The following ZMIZ1 variants were observed in gnomAD, a reference collection of about 807,000 sequenced individuals.
The protein encoded by ZMIZ1 is zinc finger MIZ domain-containing protein 1.
A neutral mutation model predicts 113.9 loss-of-function variants in ZMIZ1; 17 were observed. The observed-to-expected ratio is 0.15, with a 90% CI of 0.10 to 0.22. The LOEUF (loss-of-function observed/expected upper bound fraction) is 0.22. Ranked by LOEUF, ZMIZ1 falls within the 10% of genes least tolerant of loss-of-function variation. ZMIZ1 has a pLI of 1.00. For synonymous variants in ZMIZ1, 607 were observed against 603.1 expected, an observed-to-expected ratio of 1.01 and a Z score of -0.09; for missense variants, 1,059 against 1,477.8, an observed-to-expected ratio of 0.72 and a Z score of 4.65.
chr10:79,143,627 G>A (rs1462265704), intron 3 of ZMIZ1, among the ~76,000 whole-genome samples: 2 of 152,184 alleles, frequency 1.3e-5, no homozygotes, highest in Non-Finnish European at 2.9e-5. Context: ...AGATGGGGTG[G>A]TGGGGGGACA....
intron 17 of ZMIZ1, among the ~76,000 whole-genome samples, chr10:79,301,431 C>T (rs1217613542): frequency 6.6e-6 from 1 of 152,086 alleles, no homozygotes; most frequent in African/African-American, 2.4e-5. Context: ...CCTTCCAACC[C>T]GTGACTTGTT....
In ZMIZ1 at chr10:79,312,805, A is replaced by C; in HGVS notation, c.*56A>C. On this transcript the variant is annotated 3_prime_UTR_variant, in exon 25 of 25. Coordinates refer to ENST00000334512, the MANE Select transcript of ZMIZ1 (RefSeq NM_020338.4). ...CTCTGCATCCTACCCCACCTACCCA[A>C]CACACTTTTCCACCTGGGAGCCTGT... is the stretch of plus-strand genomic sequence containing the variant. The C allele has an allele frequency of 4.6e-6, 7 of 1,534,696 alleles. No homozygotes were observed. Among genetic ancestry groups the C allele is most frequent in the Non-Finnish European group, 6.3e-6 (7 of 1,109,792 alleles).
At chr10:79,229,530 G>T (rs568781117) in intron 7 of ZMIZ1, among the ~76,000 whole-genome samples, 3 of 152,304 alleles carry the variant, frequency 2.0e-5, no homozygotes, top group South Asian at 4.1e-4. Context: ...AGACACTATT[G>T]TCTCTGCAGG....
At chr10:79,104,953 GT>G (rs1564652918) in intron 1 of ZMIZ1, among the ~76,000 whole-genome samples, 803 of 68,600 alleles carry the variant, frequency 0.012, 8 homozygotes, top group Non-Finnish European at 0.011. Context: ...GTTGTGGGGT[GT>G]GTGTGTGTGT....
intron 7 of ZMIZ1, among the ~76,000 whole-genome samples, chr10:79,242,846 G>T (rs1007123784): frequency 2.6e-5 from 4 of 152,134 alleles, no homozygotes; most frequent in Non-Finnish European, 5.9e-5. Flanking sequence ...TCGTGCGTTC[G>T]CTCGGCAGCG....
At chr10:79,136,475 T>G (rs1275542080) in intron 2 of ZMIZ1, among the ~76,000 whole-genome samples, 3 of 152,156 alleles carry the variant, frequency 2.0e-5, no homozygotes, top group Admixed American at 6.5e-5. Flanking sequence ...ATGAATGAAT[T>G]ATTTCATCAG....
At position 79,199,465 on chromosome 10, in the gene ZMIZ1, C is replaced by T. The variant is rs368007224; in HGVS notation, c.-49-2119C>T. Among the ~76,000 whole-genome samples the T allele has an allele frequency of 4.6e-5, 7 of 152,042 alleles. No individual in the cohort carries two copies. In the East Asian group the frequency reaches 1.2e-3, roughly 25 times the overall value. Reference sequence around the variant, plus strand: ...AGGTTACAGTGAGCCAAGATTGCGCCACTGCACTCCAGCCTGGGCGACAAA... The same window carrying T: ...AGGTTACAGTGAGCCAAGATTGCGCTACTGCACTCCAGCCTGGGCGACAAA... On this transcript the variant is annotated intron_variant, in intron 4 of 24. Transcript: ENST00000334512.
intron 2 of ZMIZ1, among the ~76,000 whole-genome samples, chr10:79,125,609 T>A (rs116044733): frequency 1.3e-5 from 2 of 152,190 alleles, no homozygotes; most frequent in African/African-American, 4.8e-5. Flanking sequence ...AGGCCACACA[T>A]TGGGGCAGAG....
intron 4 of ZMIZ1, among the ~76,000 whole-genome samples, chr10:79,166,170 G>A (rs572789363): frequency 5.2e-4 from 79 of 152,244 alleles, no homozygotes; most frequent in Non-Finnish European, 9.9e-4. Flanking sequence ...TGTCCCTGCA[G>A]CGTATCCCAG....
intron 4 of ZMIZ1, among the ~76,000 whole-genome samples, chr10:79,194,494 G>A (rs703966): frequency 0.31 from 47,797 of 152,176 alleles, 8,925 homozygotes; most frequent in Non-Finnish European, 0.42. Flanking sequence ...TTTCTGTGGG[G>A]CAGCTAGAAG....
At chr10:79,277,655 A>G (rs1451173384) in intron 8 of ZMIZ1, among the ~76,000 whole-genome samples, 2 of 152,136 alleles carry the variant, frequency 1.3e-5, no homozygotes, top group Non-Finnish European at 2.9e-5. Flanking sequence ...GCTGACAGGG[A>G]TCTCAGGAAG....
chr10:79,300,268 C>T (rs1315801936), intron 16 of ZMIZ1, among the ~76,000 whole-genome samples: 2 of 152,184 alleles, frequency 1.3e-5, no homozygotes, highest in Non-Finnish European at 2.9e-5. Context: ...GTTCCTGACA[C>T]TCCTCAGTGC....
intron 8 of ZMIZ1, chr10:79,285,587 G>A (rs759410062): frequency 1.8e-5 from 8 of 455,952 alleles, no homozygotes; most frequent in East Asian, 6.9e-5. Context: ...CAGGCTTAAC[G>A]AAATGGACAT....
intron 12 of ZMIZ1, 160 bp downstream of exon 12, chr10:79,293,813 T>C (rs772523010): frequency 5.7e-5 from 61 of 1,069,740 alleles, no homozygotes; most frequent in Non-Finnish European, 8.2e-5. Flanking sequence ...GTTTGAGACC[T>C]GGTTCTGCTG....
chr10:79,279,081 G>A (rs1852513516), intron 8 of ZMIZ1, among the ~76,000 whole-genome samples: 1 of 144,776 alleles, frequency 6.9e-6, no homozygotes, highest in Admixed American at 6.9e-5. Flanking sequence ...CCACCTCCAG[G>A]ACGGGGCAGC....
At chr10:79,097,655 C>G (rs753854168) in intron 1 of ZMIZ1, among the ~76,000 whole-genome samples, 2 of 152,176 alleles carry the variant, frequency 1.3e-5, no homozygotes, top group Non-Finnish European at 2.9e-5. Context: ...AAATGTGCAG[C>G]TGGCAAGCTC....
chr10:79,135,900 G>T (rs983009831), intron 2 of ZMIZ1, among the ~76,000 whole-genome samples: 1 of 145,980 alleles, frequency 6.9e-6, no homozygotes, highest in African/African-American at 2.5e-5. Flanking sequence ...CCACCCACCC[G>T]CCGCCGCTGT....
rs188107032 is a variant in ZMIZ1, at chr10:79,249,665, A to T, written c.281-27516A>T. On this transcript the variant is annotated intron_variant, in intron 7 of 24. Coordinates refer to ENST00000334512, the MANE Select transcript of ZMIZ1 (RefSeq NM_020338.4). ...TCCTCAGTCACAGTAGTCACATTTC[A>T]CGGGCTAGTGGCTACCAGATTGGAC... is the stretch of plus-strand genomic sequence containing the variant. 1.1e-3 allele frequency among the ~76,000 whole-genome samples: 166 copies of T among 152,328 alleles called. No homozygotes were observed. In the Middle Eastern group the frequency reaches 0.014, roughly 12 times the overall value.
rs987203357 is a variant in ZMIZ1 at position 79,069,444 on chromosome 10, C to T, written c.-337+174C>T. Among the ~76,000 whole-genome samples the T allele has an allele frequency of 2.0e-5, 3 of 150,840 alleles. No individual in the cohort carries two copies. Among genetic ancestry groups the T allele is most frequent in the Non-Finnish European group, 4.4e-5 (3 of 67,688 alleles). ...GCTCCGCTCCGCTCTCCTTGGCGGCCGGGGGCCGAGGCCCGGCGGCCGGCG... is the reference window on the plus strand; with the variant it reads ...GCTCCGCTCCGCTCTCCTTGGCGGCTGGGGGCCGAGGCCCGGCGGCCGGCG... On this transcript the variant is annotated intron_variant, in intron 1 of 24. Transcript: ENST00000334512. This position sits in a 1 kb window ranked among gnomAD's most constrained non-coding sequence, Gnocchi z 4.6.
Sources: gnomAD v4.1 joint callset for allele counts (sites outside exome capture counted in the v4.1 genomes callset) on GRCh38, gnomAD v4.1.1 for gene constraint, Gnocchi (gnomAD v3.1) non-coding constraint, MANE v1.5 for transcripts, NCBI Gene and HGNC (gene_info 2026-07-23, HGNC 2026-07-21) for gene names.